Variants in SUMF1 observed in about 807,000 individuals in gnomAD.
SUMF1 encodes the protein formylglycine-generating enzyme.
SUMF1 carries 48 observed loss-of-function variants against 47.6 expected under a neutral mutation model. The observed-to-expected ratio is 1.01, with a 90% CI of 0.80 to 1.28. The LOEUF is 1.28. Among genes scored for constraint, SUMF1 ranks in the 50% most tolerant of loss-of-function variants. The pLI is 0.00. For missense variants in SUMF1, 571 were observed against 485.4 expected (o/e 1.18, Z -1.66); for synonymous variants, 230 against 192.1 (o/e 1.20, Z -1.63).
intron 8 of SUMF1, among the ~76,000 whole-genome samples, chr3:4,074,469 A>G (rs1692370148): frequency 1.3e-5 from 2 of 152,144 alleles, no homozygotes; most frequent in South Asian, 4.1e-4. Flanking sequence ...AGCTAGCAGA[A>G]GGCAAGAAAT....
intron 8 of SUMF1, among the ~76,000 whole-genome samples, chr3:4,364,360 C>T (rs1699876051): frequency 9.2e-6 from 1 of 108,862 alleles, no homozygotes; most frequent in African/African-American, 3.4e-5. Flanking sequence ...GTCCTGGACT[C>T]TTTTTGGTTG....
chr3:4,394,077 G>GT (rs529980165), intron 7 of SUMF1, among the ~76,000 whole-genome samples: 10 of 151,648 alleles, frequency 6.6e-5, no homozygotes, highest in South Asian at 2.1e-4. Flanking sequence ...TTATTTTTAG[G>GT]TTTTTTTTGA....
chr3:4,367,102 C>T (rs1699993085), intron 8 of SUMF1, among the ~76,000 whole-genome samples: 1 of 152,044 alleles, frequency 6.6e-6, no homozygotes. Context: ...GAGTACCCGG[C>T]CGTGTGAGGT....
At position 4,118,499 on chromosome 3, in the gene SUMF1, C is replaced by T. The variant is rs374754855; in HGVS notation, c.1015-49754G>A. Among the ~76,000 whole-genome samples, 183 of 152,122 alleles carry T rather than the reference C, an allele frequency of 1.2e-3. 1 individual carries two copies. Among genetic ancestry groups the T allele is most frequent in the Middle Eastern group, 6.8e-3 (2 of 294 alleles). ...AGGGACTGCTAGTTTTCCTGAAGAA[C>T]CTTTTAGTACCATTTAAATATTTTA... On this transcript the variant is annotated intron_variant and NMD_transcript_variant, in intron 8 of 12. Transcript: ENST00000448413.
At chr3:4,259,177 TG>T (rs1697030746) in intron 8 of SUMF1, among the ~76,000 whole-genome samples, 1 of 151,278 alleles carries the variant, frequency 6.6e-6, no homozygotes, top group Admixed American at 6.6e-5. Flanking sequence ...GACGAGTTAG[TG>T]GGTGCAGCGC....
At chr3:4,263,103 G>C (rs1697119830) in intron 8 of SUMF1, among the ~76,000 whole-genome samples, 1 of 152,140 alleles carries the variant, frequency 6.6e-6, no homozygotes, top group Non-Finnish European at 1.5e-5. Flanking sequence ...GCAATGCTTA[G>C]TTCTAAATAA....
chr3:4,316,291 A>G, intron 8 of SUMF1: 1 of 1,043,686 alleles, frequency 9.6e-7, no homozygotes, highest in Non-Finnish European at 1.4e-6. Context: ...AAAGCAGCAG[A>G]AACAACTCGC....
chr3:4,127,346 A>C (rs371947406), intron 8 of SUMF1, among the ~76,000 whole-genome samples: 80 of 152,280 alleles, frequency 5.3e-4, no homozygotes, highest in African/African-American at 1.7e-3. Flanking sequence ...CAAAGTATTG[A>C]TCCTGGGTGT....
chr3:4,165,697 A>T (rs1694683590), intron 8 of SUMF1, among the ~76,000 whole-genome samples: 1 of 152,020 alleles, frequency 6.6e-6, no homozygotes, highest in Non-Finnish European at 1.5e-5. Flanking sequence ...GAGAGAGAAT[A>T]TTGGGGCCAG....
chr3:4,356,192 C>T (rs1165063958), downstream of SUMF1, among the ~76,000 whole-genome samples: 1 of 152,166 alleles, frequency 6.6e-6, no homozygotes, highest in Non-Finnish European at 1.5e-5. Context: ...ACTAATAGCA[C>T]AACTGATTCT....
At chr3:4,043,643 A>G (rs945501651) in intron 9 of SUMF1, among the ~76,000 whole-genome samples, 1 of 151,958 alleles carries the variant, frequency 6.6e-6, no homozygotes. Context: ...CTATTTCCCC[A>G]TCCTCTCTTC....
intron 9 of SUMF1, among the ~76,000 whole-genome samples, chr3:4,046,061 A>G (rs1235102646): frequency 1.3e-5 from 2 of 152,106 alleles, no homozygotes; most frequent in Non-Finnish European, 2.9e-5. Flanking sequence ...TTAAAAAAGA[A>G]AAAAAAAGAT....
chr3:4,325,521 ATGTATG>A (rs1417746685), intron 8 of SUMF1, among the ~76,000 whole-genome samples: 1 of 151,864 alleles, frequency 6.6e-6, no homozygotes, highest in Non-Finnish European at 1.5e-5. Context: ...GGTGGCATAT[ATGTATG>A]TGTGTGTGTG....
At chr3:4,205,301 A>C (rs1285827477) in intron 8 of SUMF1, among the ~76,000 whole-genome samples, 3 of 152,112 alleles carry the variant, frequency 2.0e-5, no homozygotes, top group Admixed American at 1.3e-4. Flanking sequence ...ACCTATCCCC[A>C]AAACCTATAA....
At chr3:4,250,355 G>A (rs548904447) in intron 8 of SUMF1, among the ~76,000 whole-genome samples, 5 of 151,820 alleles carry the variant, frequency 3.3e-5, no homozygotes, top group Non-Finnish European at 7.4e-5. Flanking sequence ...GGAAAGAAAG[G>A]AAAGAAAGTA....
At chr3:4,314,052 T>A (rs1435737756) in intron 8 of SUMF1, 1 of 499,912 alleles carries the variant, frequency 2.0e-6, no homozygotes, top group African/African-American at 1.9e-5. Context: ...GCCCTTCACC[T>A]CCTCTTTCTT....
At chr3:4,126,221 CTAGA>C (rs920093081) in intron 8 of SUMF1, among the ~76,000 whole-genome samples, 10 of 150,862 alleles carry the variant, frequency 6.6e-5, no homozygotes, top group Non-Finnish European at 8.9e-5. Flanking sequence ...TTTGTGCATC[CTAGA>C]TAATTTTTAA....
At chr3:4,280,696 G>C (rs542177141) in intron 8 of SUMF1, among the ~76,000 whole-genome samples, 2 of 152,166 alleles carry the variant, frequency 1.3e-5, no homozygotes, top group African/African-American at 2.4e-5. Flanking sequence ...CAAGGTGCGT[G>C]CTGGGCTCTG....
intron 8 of SUMF1, among the ~76,000 whole-genome samples, chr3:4,233,870 C>T (rs548125126): frequency 1.2e-4 from 19 of 152,224 alleles, no homozygotes; most frequent in Non-Finnish European, 2.2e-4. Flanking sequence ...GGGTTTGCAC[C>T]GATGCACCAA....
Sources: gnomAD v4.1 joint callset for allele counts (sites outside exome capture counted in the v4.1 genomes callset) on GRCh38, gnomAD v4.1.1 for gene constraint, MANE v1.5 for transcripts, NCBI Gene and HGNC (gene_info 2026-07-23, HGNC 2026-07-21) for gene names.